The following ASPHD2 variants were observed in gnomAD, a reference collection of about 807,000 sequenced individuals.
ASPHD2 encodes the protein aspartate beta-hydroxylase domain-containing protein 2.
ASPHD2 carries 12 observed loss-of-function variants against 34.6 expected under a neutral mutation model. The ratio of observed to expected loss-of-function variants is 0.35; its 90% CI spans 0.22 to 0.56. The LOEUF (loss-of-function observed/expected upper bound fraction) is 0.56. ASPHD2 is among the 20% of genes least tolerant of loss of function. The pLI is 0.87. For synonymous variants in ASPHD2, 224 were observed against 212.2 expected, an observed-to-expected ratio of 1.06 and a Z score of -0.48; for missense variants, 375 against 505.0, an observed-to-expected ratio of 0.74 and a Z score of 2.47.
chr22:26,436,925 C>T (rs1268857546), intron 2 of ASPHD2, among the ~76,000 whole-genome samples: 1 of 152,018 alleles, frequency 6.6e-6, no homozygotes, highest in Non-Finnish European at 1.5e-5. Flanking sequence ...CTTTCTCAGC[C>T]CAGCTAGGTA....
Position 26,443,824 on chromosome 22 carries a change from C to G in ASPHD2, c.*618C>G, listed in dbSNP as rs2084880851. On this transcript the variant is annotated 3_prime_UTR_variant, in exon 4 of 4. Coordinates refer to ENST00000215906, the MANE Select transcript of ASPHD2 (RefSeq NM_020437.5). Reference sequence around the variant, plus strand: ...CAGTGTCCAGGCCCAGGGATACTGTCACCATCGCTCACCTCATTCTAAACC... The same window carrying G: ...CAGTGTCCAGGCCCAGGGATACTGTGACCATCGCTCACCTCATTCTAAACC... The G allele has an allele frequency of 2.0e-5, 3 of 152,206 alleles. No homozygotes were observed. 9.4% of individuals were successfully genotyped at this position (152,206 alleles called of 1,614,324 possible).
In ASPHD2 at chr22:26,433,365, T is replaced by C. The variant is rs2084768445; in HGVS notation, c.-224-27T>C. The C allele has an allele frequency of 6.0e-6, 3 of 496,208 alleles. No homozygotes were observed. Among genetic ancestry groups the C allele is most frequent in the South Asian group, 5.3e-5 (2 of 37,562 alleles). The allele number at this position is 496,208 out of a possible 1,614,324, so 30.7% of individuals were successfully genotyped here. A position where few individuals can be genotyped will look rare whatever the true frequency, so the allele number is the denominator to read the frequency against. ...TGAGGACTTTTCCAGGTGTAAAATT[T>C]ATGCTGATTTTTTTTTTCCATCCCA... On this transcript the variant is annotated intron_variant, in intron 1 of 3. Transcript: ENST00000215906. The surrounding 1 kb of genome is among the most constrained non-coding windows in gnomAD (Gnocchi z 5.1).
chr22:26,437,831 G>C (rs371166492), intron 2 of ASPHD2, among the ~76,000 whole-genome samples: 4 of 152,050 alleles, frequency 2.6e-5, no homozygotes, highest in African/African-American at 9.7e-5. Flanking sequence ...TTCAGGGCTC[G>C]GTAGGGACAG....
chr22:26,430,410 G>C (rs894852101), intron 1 of ASPHD2, among the ~76,000 whole-genome samples: 3 of 152,190 alleles, frequency 2.0e-5, no homozygotes, highest in Non-Finnish European at 1.5e-5. Context: ...CAACTGAGCT[G>C]GAAGATCTGG....
intron 2 of ASPHD2, among the ~76,000 whole-genome samples, chr22:26,438,572 CATAT>C (rs199542081): frequency 4.6e-5 from 6 of 129,270 alleles, no homozygotes; most frequent in African/African-American, 1.5e-4. Context: ...TATACACATA[CATAT>C]ATATACATAC....
At chr22:26,437,551 C>G (rs78749921) in intron 2 of ASPHD2, among the ~76,000 whole-genome samples, 1,598 of 152,320 alleles carry the variant, frequency 0.01, 15 homozygotes, top group Middle Eastern at 0.054. Context: ...TCCAGAAAAC[C>G]ACCTCTGAAA....
intron 3 of ASPHD2, 68 bp downstream of exon 3, chr22:26,442,640 AG>A: frequency 7.5e-7 from 1 of 1,332,154 alleles, no homozygotes; most frequent in Non-Finnish European, 1.0e-6. Context: ...GAGAAGTTTT[AG>A]GTTTCCAGAA....
Position 26,443,648 on chromosome 22 carries a change from C to G in ASPHD2, c.*442C>G, listed in dbSNP as rs538188559. 1 of 150,668 alleles carries G rather than the reference C, an allele frequency of 6.6e-6. No homozygotes were observed. The highest frequency in any genetic ancestry group is 2.4e-5 in the African/African-American group (1 of 40,958). 9.3% of individuals were successfully genotyped at this position (150,668 alleles called of 1,614,324 possible). On this transcript the variant is annotated 3_prime_UTR_variant, in exon 4 of 4. Coordinates refer to ENST00000215906, the MANE Select transcript of ASPHD2 (RefSeq NM_020437.5). ...AAAAAAAAAAAAAAACTAAAAACTG[C>G]AAACCAGAGAGCTAGAGAACTTGGC...
chr22:26,434,520 G>C lies in ASPHD2; in HGVS notation c.886+19G>C. On this transcript the variant is annotated intron_variant, in intron 2 of 3. Coordinates refer to ENST00000215906, the MANE Select transcript of ASPHD2 (RefSeq NM_020437.5). ...CATTTAGGTATGTTGCAAGGACAGGGGTCTCCCGGCATGCACATTTGCAAG... is the reference window on the plus strand; with the variant it reads ...CATTTAGGTATGTTGCAAGGACAGGCGTCTCCCGGCATGCACATTTGCAAG... 6.5e-7 allele frequency: 1 copy of C among 1,549,082 alleles called. No homozygotes were observed. Among genetic ancestry groups the C allele is most frequent in the African/African-American group, 1.4e-5 (1 of 72,712 alleles).
In ASPHD2 at chr22:26,444,055, G is replaced by A. The variant is rs566593359; in HGVS notation, c.*849G>A. On this transcript the variant is annotated 3_prime_UTR_variant, in exon 4 of 4. Transcript: ENST00000215906. ...GGGCCTGGAAAATTCCCAGTTTTAG[G>A]TGTTTTGAGTCCACAGTGATGAACG... is the stretch of plus-strand genomic sequence containing the variant. The A allele has an allele frequency of 6.6e-6, 1 of 152,318 alleles. No homozygotes were observed. Among genetic ancestry groups the A allele is most frequent in the African/African-American group, 2.4e-5 (1 of 41,560 alleles). 9.4% of individuals were successfully genotyped at this position (152,318 alleles called of 1,614,324 possible).
rs1568986255 is a variant in ASPHD2, at chr22:26,443,241, C to T, written c.*35C>T. 5 of 1,575,414 alleles carry T rather than the reference C, an allele frequency of 3.2e-6. No individual in the cohort carries two copies. Among genetic ancestry groups the T allele is most frequent in the African/African-American group, 1.3e-5 (1 of 74,242 alleles). ...CCATGCTGGAGTCGGCGAGAAGGGC[C>T]GAGGCGGGGCCTGGGCAGACTGTGG... is the stretch of plus-strand genomic sequence containing the variant. On this transcript the variant is annotated 3_prime_UTR_variant, in exon 4 of 4. Coordinates refer to ENST00000215906, the MANE Select transcript of ASPHD2 (RefSeq NM_020437.5).
chr22:26,443,422 T>C lies in ASPHD2; in HGVS notation c.*216T>C, dbSNP rs76832261. ...TGTATTTCCTTAGATTTTTTTTTTTTCCTTCCAATCATTTGCTTCAGAGAC... is the reference window on the plus strand; with the variant it reads ...TGTATTTCCTTAGATTTTTTTTTTTCCCTTCCAATCATTTGCTTCAGAGAC... On this transcript the variant is annotated 3_prime_UTR_variant, in exon 4 of 4. Coordinates refer to ENST00000215906, the MANE Select transcript of ASPHD2 (RefSeq NM_020437.5). The C allele has an allele frequency of 3.0e-4, 149 of 502,214 alleles. No homozygotes were observed. Among genetic ancestry groups the C allele is most frequent in the Non-Finnish European group, 4.7e-4 (133 of 280,758 alleles). 31.1% of individuals were successfully genotyped at this position (502,214 alleles called of 1,614,324 possible).
At chr22:26,441,588 G>A (rs12162633) in intron 2 of ASPHD2, among the ~76,000 whole-genome samples, 1 of 150,102 alleles carries the variant, frequency 6.7e-6, no homozygotes, top group Non-Finnish European at 1.5e-5. Context: ...TCAGGAGTTC[G>A]AGATCAGCTT....
intron 1 of ASPHD2, among the ~76,000 whole-genome samples, chr22:26,432,464 G>A (rs900998762): frequency 5.3e-5 from 8 of 152,228 alleles, no homozygotes; most frequent in African/African-American, 1.9e-4. Flanking sequence ...ATTAGAAGAA[G>A]CAGGATGAAC....
chr22:26,443,057 G>A (rs1409967299), intron 3 of ASPHD2, 40 bp from the exon 4 acceptor site: 3 of 1,470,994 alleles, frequency 2.0e-6, no homozygotes, highest in East Asian at 2.3e-5. Flanking sequence ...TGACTCCAGG[G>A]TGGTTTGAAC....
Position 26,433,792 on chromosome 22 carries a change from C to G in ASPHD2, c.177C>G (p.Thr59=). 1 of 1,613,954 alleles carries G rather than the reference C, an allele frequency of 6.2e-7. No individual in the cohort carries two copies. The highest frequency in any genetic ancestry group is 8.5e-7 in the Non-Finnish European group (1 of 1,180,018). The part of the protein sequence containing the change: ...GIQSVRDCDT[T]AVITVACLLV... ...AGTCCGTGCGGGACTGCGACACCAC[C>G]GCTGTCATCACTGTGGCCTGCCTCC... The change falls in exon 2 of 4, where the codon ACC becomes ACG. Residue 59 remains threonine (T), a synonymous_variant. Transcript: ENST00000215906. This position sits in a 1 kb window ranked among gnomAD's most constrained non-coding sequence, Gnocchi z 5.1.
At chr22:26,430,261 C>T (rs1392633324) in intron 1 of ASPHD2, among the ~76,000 whole-genome samples, 3 of 152,206 alleles carry the variant, frequency 2.0e-5, no homozygotes, top group Non-Finnish European at 4.4e-5. Flanking sequence ...ATTAGGCAGC[C>T]TCTGGGAATG....
Position 26,443,193 on chromosome 22 carries a change from C to T in ASPHD2, c.1097C>T (p.Ala366Val). 1 of 1,614,086 alleles carries T rather than the reference C, an allele frequency of 6.2e-7. No homozygotes were observed. Residue 366 changes from alanine (A) to valine (V), a missense_variant, in exon 4 of 4, where the codon GCT (alanine) becomes GTT (valine). Around this residue, in one of 3 missense-constraint regions of ASPHD2, gnomAD observed 142 missense variants for 217.9 expected, o/e 0.65. Coordinates refer to ENST00000215906, the MANE Select transcript of ASPHD2 (RefSeq NM_020437.5). The part of the protein sequence containing the change: ...AERQALDFIF[A>V]PGR The stretch of plus-strand genomic sequence containing the variant: ...CGGCAGGCTCTTGATTTCATCTTTG[C>T]TCCGGGACGATGAGAGTATTTCCCA...
At chr22:26,443,007 C>G (rs1312825863) in intron 3 of ASPHD2, 90 bp from the exon 4 acceptor site, 8 of 917,766 alleles carry the variant, frequency 8.7e-6, no homozygotes, top group South Asian at 4.0e-5. Context: ...TGCCCCGAAG[C>G]TGAGCACGTA....
Sources: allele counts gnomAD v4.1 joint callset (sites outside exome capture counted in the v4.1 genomes callset), GRCh38; gene constraint gnomAD v4.1.1; regional missense constraint gnomAD v4.1.1; non-coding constraint Gnocchi (gnomAD v3.1); transcripts MANE v1.5; gene names NCBI Gene and HGNC (gene_info 2026-07-23, HGNC 2026-07-21).